TNRC6B: variants seen among roughly 807,000 people sequenced by gnomAD.
TNRC6B encodes the protein trinucleotide repeat-containing gene 6B protein.
Under a neutral mutation model 203.6 loss-of-function variants are expected in TNRC6B, and 52 were observed. The observed-to-expected ratio is 0.26, with a 90% CI of 0.20 to 0.32. The LOEUF (loss-of-function observed/expected upper bound fraction) is 0.32. Ranked by LOEUF, TNRC6B falls within the 10% of genes least tolerant of loss-of-function variation. The probability of loss-of-function intolerance (pLI) is 1.00; values close to 1 mark genes in which losing one functional copy is unlikely to be tolerated. For synonymous variants in TNRC6B, 838 were observed against 845.7 expected, an observed-to-expected ratio of 0.99 and a Z score of 0.16; for missense variants, 1,923 against 2,286.2, an observed-to-expected ratio of 0.84 and a Z score of 3.24.
intron 1 of TNRC6B, among the ~76,000 whole-genome samples, chr22:40,183,888 T>A (rs1191171210): frequency 6.6e-6 from 1 of 152,036 alleles, no homozygotes; most frequent in African/African-American, 2.4e-5. Flanking sequence ...GTAGATACAG[T>A]GTTTCGGCAT....
intron 1 of TNRC6B, among the ~76,000 whole-genome samples, chr22:40,071,729 C>T (rs2067949993): frequency 1.3e-5 from 2 of 152,154 alleles, no homozygotes; most frequent in African/African-American, 4.8e-5. Context: ...ATTATAACCC[C>T]ACTTGGATTG....
intron 1 of TNRC6B, among the ~76,000 whole-genome samples, chr22:40,091,218 C>T (rs1007990325): frequency 1.3e-5 from 2 of 151,946 alleles, no homozygotes; most frequent in African/African-American, 4.8e-5. Context: ...CTCCTGACCT[C>T]GTGATCCGCC....
Position 40,273,542 on chromosome 22 carries a change from G to A in TNRC6B, c.3083G>A (p.Gly1028Asp). Residue 1028 changes from glycine (G) to aspartate (D), a missense_variant, in exon 7 of 23, where the codon GGC (glycine) becomes GAC (aspartate). Transcript: ENST00000454349. ...GGVWNTTGSQ[G>D]SASSHNSASW... ...GTCTGGAACACCACTGGCTCTCAGG[G>A]CAGTGCTTCCTCCCACAACTCAGCA... 6.3e-7 allele frequency: 1 copy of A among 1,593,552 alleles called. No homozygotes were observed. The highest frequency in any genetic ancestry group is 1.1e-5 in the South Asian group (1 of 87,632).
At chr22:40,106,532 G>C (rs2068284913) in intron 1 of TNRC6B, 1 of 736,492 alleles carries the variant, frequency 1.4e-6, no homozygotes, top group Non-Finnish European at 2.5e-6. Flanking sequence ...TTTACCAAGA[G>C]ATCGAGCAAT....
At chr22:40,135,778 A>G (rs996426137) in intron 3 of TNRC6B, among the ~76,000 whole-genome samples, 4 of 152,210 alleles carry the variant, frequency 2.6e-5, no homozygotes, top group African/African-American at 7.2e-5. Flanking sequence ...CTGAGATTAC[A>G]GATGTGAGCC....
chr22:40,305,410 C>T (rs1439957350), intron 15 of TNRC6B, among the ~76,000 whole-genome samples: 1 of 152,184 alleles, frequency 6.6e-6, no homozygotes, highest in African/African-American at 2.4e-5. Flanking sequence ...GTGGAAAGTA[C>T]AATACAGTCA....
At position 40,315,876 on chromosome 22, in the gene TNRC6B, CT is replaced by C. The variant is rs2071250564; in HGVS notation, c.4904-65del. 70 of 1,218,584 alleles carry C rather than the reference CT, an allele frequency of 5.7e-5. No individual in the cohort carries two copies. The South Asian group carries it at 8.8e-4, about 15-fold the overall frequency. The allele number at this position is 1,218,584 out of a possible 1,614,324, so 75.5% of individuals were successfully genotyped here. A position where few individuals can be genotyped will look rare whatever the true frequency, so the allele number is the denominator to read the frequency against. On this transcript the variant is annotated intron_variant, in intron 20 of 22. Transcript: ENST00000454349. ...AAATGTGAGCTACATGAAAATCTTT[CT>C]CCCTCATGGCTTTTCTTGTTTTTGT...
intron 1 of TNRC6B, among the ~76,000 whole-genome samples, chr22:40,206,156 T>C (rs1314599495): frequency 6.6e-6 from 1 of 152,076 alleles, no homozygotes; most frequent in Non-Finnish European, 1.5e-5. Flanking sequence ...TTATTTTTTG[T>C]TTTTTTGAGC....
At chr22:40,186,315 A>G (rs1442366792) in intron 1 of TNRC6B, among the ~76,000 whole-genome samples, 1 of 152,154 alleles carries the variant, frequency 6.6e-6, no homozygotes, top group Non-Finnish European at 1.5e-5. Context: ...TGGTTATGGC[A>G]ACATTCCCGA....
At chr22:40,081,763 C>T (rs1366446531) in intron 1 of TNRC6B, among the ~76,000 whole-genome samples, 1 of 152,224 alleles carries the variant, frequency 6.6e-6, no homozygotes, top group Non-Finnish European at 1.5e-5. Flanking sequence ...TCAATACATA[C>T]TTCCTATTAT....
intron 1 of TNRC6B, among the ~76,000 whole-genome samples, chr22:40,075,152 ATATATTTTT>A (rs2067996631): frequency 1.5e-5 from 1 of 65,190 alleles, no homozygotes; most frequent in Non-Finnish European, 2.6e-5. Context: ...ATATATATAT[ATATATTTTT>A]TTTTTTTTTT....
intron 3 of TNRC6B, among the ~76,000 whole-genome samples, chr22:40,139,325 ATT>A (rs562172960): frequency 0.048 from 5,840 of 120,430 alleles, 260 homozygotes; most frequent in African/African-American, 0.14. Context: ...GGGTGTACGC[ATT>A]TTTTTTTTTT....
chr22:40,236,264 C>T (rs1351688715), intron 1 of TNRC6B, among the ~76,000 whole-genome samples: 1 of 152,148 alleles, frequency 6.6e-6, no homozygotes, highest in Non-Finnish European at 1.5e-5. Context: ...ATAACCACTC[C>T]TGCCTCACCC....
chr22:40,177,706 G>C (rs1273577165), upstream of TNRC6B, among the ~76,000 whole-genome samples: 1 of 152,190 alleles, frequency 6.6e-6, no homozygotes, highest in Non-Finnish European at 1.5e-5. Flanking sequence ...TTTCTGTTTT[G>C]TTCATCTGTT....
intron 12 of TNRC6B, among the ~76,000 whole-genome samples, chr22:40,290,980 ATTTTG>A (rs1187408586): frequency 2.6e-5 from 4 of 152,154 alleles, no homozygotes; most frequent in African/African-American, 9.7e-5. Context: ...CCATTTTTGA[ATTTTG>A]TTTTATTTAT....
chr22:40,142,297 A>G (rs1394767676), intron 3 of TNRC6B, among the ~76,000 whole-genome samples: 1 of 151,206 alleles, frequency 6.6e-6, no homozygotes, highest in Non-Finnish European at 1.5e-5. Context: ...CCTGGCCTCA[A>G]GTGATCTTCA....
Position 40,310,869 on chromosome 22 carries a change from T to C in TNRC6B, c.4311T>C (p.Phe1437=), listed in dbSNP as rs752060265. The part of the protein sequence containing the change: ...KTRGGSPYNQ[F]DIIPGDTLGG... ...GGGGAGGGTCACCGTACAACCAGTT[T>C]GATATCATCCCTGGTGACACACTGG... The change falls in exon 17 of 23, where the codon TTT becomes TTC. Residue 1437 remains phenylalanine, a synonymous_variant. Transcript: ENST00000454349. The C allele has an allele frequency of 6.2e-7, 1 of 1,612,926 alleles. No individual in the cohort carries two copies. Among genetic ancestry groups the C allele is most frequent in the Non-Finnish European group, 8.5e-7 (1 of 1,179,526 alleles).
chr22:40,302,121 G>A (rs907694039), intron 15 of TNRC6B, among the ~76,000 whole-genome samples: 13 of 152,098 alleles, frequency 8.5e-5, no homozygotes, highest in African/African-American at 2.7e-4. Flanking sequence ...AACAAGTAAG[G>A]TTATGCCTTT....
At chr22:40,119,046 G>T (rs2068418623) in intron 2 of TNRC6B, among the ~76,000 whole-genome samples, 1 of 152,200 alleles carries the variant, frequency 6.6e-6, no homozygotes, top group Admixed American at 6.5e-5. Context: ...AGGCAGACGA[G>T]GCTGGAGAGA....
Sources: allele counts gnomAD v4.1 joint callset (sites outside exome capture counted in the v4.1 genomes callset), GRCh38; gene constraint gnomAD v4.1.1; transcripts MANE v1.5; gene names NCBI Gene and HGNC (gene_info 2026-07-23, HGNC 2026-07-21).